C12orf42: variants seen among roughly 807,000 people sequenced by gnomAD.
C12orf42 encodes the protein uncharacterized protein C12orf42.
In C12orf42, 25 loss-of-function variants were observed where a neutral mutation model predicts 21.6. The ratio of observed to expected loss-of-function variants is 1.16; its 90% CI spans 0.84 to 1.62. The LOEUF is 1.62. Among genes scored for constraint, C12orf42 ranks in the 40% most tolerant of loss-of-function variants. The pLI, the probability that C12orf42 is intolerant of heterozygous loss-of-function variation, is 0.00. For synonymous variants in C12orf42, 174 were observed against 175.0 expected, an observed-to-expected ratio of 0.99 and a Z score of 0.05; for missense variants, 483 against 459.3, an observed-to-expected ratio of 1.05 and a Z score of -0.47.
chr12:103,068,990 T>A, the C12orf42 span, among the ~76,000 whole-genome samples: 6 of 105,662 alleles, frequency 5.7e-5, no homozygotes, highest in Admixed American at 2.1e-4. Context: ...TATATATATA[T>A]AATCCTATTA....
the C12orf42 span, among the ~76,000 whole-genome samples, chr12:103,097,430 C>T: frequency 2.0e-5 from 3 of 152,146 alleles, no homozygotes; most frequent in South Asian, 6.2e-4. Flanking sequence ...GAATTTCATC[C>T]TAGGCAACAG....
intron 4 of C12orf42, among the ~76,000 whole-genome samples, chr12:103,306,556 T>C (rs1251323494): frequency 2.0e-5 from 3 of 152,146 alleles, no homozygotes; most frequent in Non-Finnish European, 2.9e-5. Context: ...ATGTTTGTGC[T>C]GAGTTCTAGT....
chr12:103,117,324 AT>A, the C12orf42 span, among the ~76,000 whole-genome samples: 2 of 151,996 alleles, frequency 1.3e-5, no homozygotes, highest in African/African-American at 2.4e-5. Flanking sequence ...TTTCTGGCTT[AT>A]TTTGTTTAAT....
intron 2 of C12orf42, among the ~76,000 whole-genome samples, chr12:103,449,595 T>C (rs1000858196): frequency 6.6e-6 from 1 of 152,084 alleles, no homozygotes; most frequent in Non-Finnish European, 1.5e-5. Context: ...CTCTGTGAGA[T>C]GTCAAGTTTC....
chr12:103,462,223 G>A (rs1023431099), intron 2 of C12orf42, among the ~76,000 whole-genome samples: 10 of 147,564 alleles, frequency 6.8e-5, no homozygotes, highest in African/African-American at 2.2e-4. Context: ...TTCTCCTGTC[G>A]CAACCTCCTG....
At chr12:103,348,655 G>A (rs543501421) in intron 4 of C12orf42, among the ~76,000 whole-genome samples, 2 of 152,210 alleles carry the variant, frequency 1.3e-5, no homozygotes, top group East Asian at 1.9e-4. Context: ...GTCATTTCGG[G>A]AATTTTTGAA....
At chr12:103,475,038 C>T (rs548926150) in intron 2 of C12orf42, among the ~76,000 whole-genome samples, 1 of 152,306 alleles carries the variant, frequency 6.6e-6, no homozygotes, top group South Asian at 2.1e-4. Flanking sequence ...TTTTTATTTG[C>T]ATGTCTGTGT....
At chr12:103,224,479 T>C in the C12orf42 span, among the ~76,000 whole-genome samples, 1 of 145,440 alleles carries the variant, frequency 6.9e-6, no homozygotes, top group Non-Finnish European at 1.5e-5. Flanking sequence ...AGAAGGAAAT[T>C]TGGGGAAATG....
intron 4 of C12orf42, among the ~76,000 whole-genome samples, chr12:103,289,923 A>G (rs2036690304): frequency 1.3e-5 from 2 of 152,192 alleles, no homozygotes; most frequent in South Asian, 4.1e-4. Flanking sequence ...CATTTTGTAA[A>G]CAATGAGAAA....
chr12:103,184,628 C>A, the C12orf42 span, among the ~76,000 whole-genome samples: 3 of 151,322 alleles, frequency 2.0e-5, no homozygotes, highest in African/African-American at 4.9e-5. Flanking sequence ...TTCTTGGTTT[C>A]TCTTCTAGTT....
At chr12:103,480,004 G>C (rs923530387) in intron 1 of C12orf42, among the ~76,000 whole-genome samples, 11 of 151,652 alleles carry the variant, frequency 7.3e-5, no homozygotes, top group Non-Finnish European at 1.6e-4. Context: ...AGTTTGTATA[G>C]GATTTAAATT....
chr12:103,341,294 A>G (rs1407419293), intron 4 of C12orf42, among the ~76,000 whole-genome samples: 2 of 152,088 alleles, frequency 1.3e-5, no homozygotes, highest in African/African-American at 2.4e-5. Context: ...GCTGAAGGCT[A>G]TAGTACACTA....
intron 2 of C12orf42, among the ~76,000 whole-genome samples, chr12:103,477,728 A>G (rs995967463): frequency 6.6e-6 from 1 of 152,210 alleles, no homozygotes; most frequent in Non-Finnish European, 1.5e-5. Context: ...GGAAGGAAAC[A>G]GAATCTCCTC....
chr12:103,058,868 T>C, the C12orf42 span, among the ~76,000 whole-genome samples: 1 of 152,044 alleles, frequency 6.6e-6, no homozygotes, highest in African/African-American at 2.4e-5. Flanking sequence ...AGTTCCCATA[T>C]CAGAAAGTGT....
the C12orf42 span, among the ~76,000 whole-genome samples, chr12:103,556,325 C>A: frequency 6.6e-6 from 1 of 152,168 alleles, no homozygotes; most frequent in African/African-American, 2.4e-5. Flanking sequence ...GTTATTTCTG[C>A]CAAGCCATGA....
At chr12:103,526,632 A>G in the C12orf42 span, among the ~76,000 whole-genome samples, 87 of 152,296 alleles carry the variant, frequency 5.7e-4, 1 homozygote, top group Admixed American at 5.9e-4. Flanking sequence ...CTAACCCCCA[A>G]TGTGACTATG....
the C12orf42 span, among the ~76,000 whole-genome samples, chr12:103,519,232 A>C: frequency 1.3e-5 from 2 of 152,190 alleles, no homozygotes; most frequent in Admixed American, 6.5e-5. Flanking sequence ...CTGTGAATCA[A>C]TTAAACCATT....
At chr12:103,507,697 G>A in the C12orf42 span, among the ~76,000 whole-genome samples, 1 of 151,288 alleles carries the variant, frequency 6.6e-6, no homozygotes, top group Non-Finnish European at 1.5e-5. Flanking sequence ...GGTGGGGTGG[G>A]GGCGGGTAAT....
chr12:103,196,423 A>T, the C12orf42 span, among the ~76,000 whole-genome samples: 1 of 152,158 alleles, frequency 6.6e-6, no homozygotes, highest in African/African-American at 2.4e-5. Flanking sequence ...GTTGTTGGGC[A>T]GTATGTTCTG....
Sources: gnomAD v4.1 joint callset for allele counts (sites outside exome capture counted in the v4.1 genomes callset) on GRCh38, gnomAD v4.1.1 for gene constraint, MANE v1.5 for transcripts, NCBI Gene and HGNC (gene_info 2026-07-23, HGNC 2026-07-21) for gene names.